SC5D: variants seen among roughly 807,000 people sequenced by gnomAD.
SC5D encodes the protein sterol-C5-desaturase.
SC5D carries 21 observed loss-of-function variants against 23.9 expected under a neutral mutation model. That is an observed-to-expected ratio of 0.88 (90% confidence interval 0.62 to 1.26). The LOEUF (loss-of-function observed/expected upper bound fraction) is 1.26. Among genes scored for constraint, SC5D ranks in the 50% most tolerant of loss-of-function variants. SC5D has a pLI of 0.00. For missense variants in SC5D, 309 were observed against 364.8 expected, an observed-to-expected ratio of 0.85 and a Z score of 1.25; for synonymous variants, 113 against 125.9, an observed-to-expected ratio of 0.90 and a Z score of 0.68.
rs1947987772 is a variant in SC5D, at chr11:121,308,777, T to C, written c.*1265T>C. 1 of 152,538 alleles carries C rather than the reference T, an allele frequency of 6.6e-6. No individual in the cohort carries two copies. The highest frequency in any genetic ancestry group is 2.1e-4 in the South Asian group (1 of 4,834). 9.4% of individuals were successfully genotyped at this position (152,538 alleles called of 1,614,324 possible). On this transcript the variant is annotated 3_prime_UTR_variant, in exon 5 of 5. Transcript: ENST00000264027. ...AGTGTCACAGGGGGAAAGAAGTGGG[T>C]ACCACATTCTGTTTATATTTCACAT...
chr11:121,303,316 T>C (rs573220493), intron 1 of SC5D, 50 bp from the exon 2 acceptor site: 87 of 1,552,344 alleles, frequency 5.6e-5, no homozygotes, highest in Non-Finnish European at 7.6e-5. Context: ...AATTTTTGCC[T>C]GGAAAAATAG....
In SC5D at chr11:121,311,966, G is replaced by A. The variant is rs1026656844; in HGVS notation, c.*4454G>A. Among the ~76,000 whole-genome samples the A allele has an allele frequency of 2.0e-5, 3 of 152,110 alleles. No individual in the cohort carries two copies. The highest frequency in any genetic ancestry group is 4.4e-5 in the Non-Finnish European group (3 of 68,000). ...CATTGAGGTGAAGTAGAGATAGAGGGTACACAGAAAAATCGTATAAGTAAA... is the reference window on the plus strand; with the variant it reads ...CATTGAGGTGAAGTAGAGATAGAGGATACACAGAAAAATCGTATAAGTAAA... On this transcript the variant is annotated 3_prime_UTR_variant, in exon 5 of 5. Coordinates refer to ENST00000264027, the MANE Select transcript of SC5D (RefSeq NM_006918.5).
In SC5D at chr11:121,310,455, CTTT is replaced by C. The variant is rs5795265; in HGVS notation, c.*2960_*2962del. ...TGTTCAGCCCTTCTGTCTCCTGTCC[CTTT>C]TTTTTTTTTTTTTTTTGAGATGGAG... On this transcript the variant is annotated 3_prime_UTR_variant, in exon 5 of 5. Coordinates refer to ENST00000264027, the MANE Select transcript of SC5D (RefSeq NM_006918.5). 5.4e-5 allele frequency among the ~76,000 whole-genome samples: 6 copies of C among 111,178 alleles called. No homozygotes were observed. The highest frequency in any genetic ancestry group is 9.2e-5 in the Admixed American group (1 of 10,842). The allele number at this position is 111,178 out of a possible 152,430, so 72.9% of individuals were successfully genotyped here. A position where few individuals can be genotyped will look rare whatever the true frequency, so the allele number is the denominator to read the frequency against.
At position 121,295,708 on chromosome 11, in the gene SC5D, T is replaced by G. The variant is rs191076646; in HGVS notation, c.-11+2892T>G. Reference sequence around the variant, plus strand: ...TGATTTTGGAGTCCCAAGATTTATTTTCTGTTCACACCATCATTCCTTACC... The same window carrying G: ...TGATTTTGGAGTCCCAAGATTTATTGTCTGTTCACACCATCATTCCTTACC... On this transcript the variant is annotated intron_variant, in intron 1 of 4. Transcript: ENST00000264027. Among the ~76,000 whole-genome samples the G allele has an allele frequency of 5.9e-5, 9 of 152,292 alleles. No individual in the cohort carries two copies. In the East Asian group the frequency reaches 1.5e-3, roughly 26 times the overall value.
intron 3 of SC5D, 148 bp from the exon 4 acceptor site, chr11:121,306,238 A>C (rs969129192): frequency 1.5e-6 from 1 of 649,366 alleles, no homozygotes; most frequent in Non-Finnish European, 2.8e-6. Flanking sequence ...AAGAGAGATT[A>C]GTTTATAATA....
At chr11:121,304,045 G>T (rs1180823777) in intron 2 of SC5D, 3 of 323,172 alleles carry the variant, frequency 9.3e-6, no homozygotes, top group Non-Finnish European at 1.7e-5. Flanking sequence ...ACAGCAAAAA[G>T]AAAAAATAGA....
rs1565570745 is a variant in SC5D, at chr11:121,307,930, A to T, written c.*418A>T. 1 of 159,660 alleles carries T rather than the reference A, an allele frequency of 6.3e-6. No individual in the cohort carries two copies. The highest frequency in any genetic ancestry group is 1.4e-5 in the Non-Finnish European group (1 of 72,248). 9.9% of individuals were successfully genotyped at this position (159,660 alleles called of 1,614,324 possible). A position where few individuals can be genotyped will look rare whatever the true frequency, so the allele number is the denominator to read the frequency against. ...TAAGCACCATAACCAAGAAATACTAATGTAAAGATTGTTTCTTGTTTCAGG... is the reference window on the plus strand; with the variant it reads ...TAAGCACCATAACCAAGAAATACTATTGTAAAGATTGTTTCTTGTTTCAGG... On this transcript the variant is annotated 3_prime_UTR_variant, in exon 5 of 5. Transcript: ENST00000264027.
intron 1 of SC5D, among the ~76,000 whole-genome samples, chr11:121,301,398 A>G (rs1947925139): frequency 6.6e-6 from 1 of 152,098 alleles, no homozygotes; most frequent in Non-Finnish European, 1.5e-5. Context: ...ATTTGAGCCA[A>G]CAGAGCACAG....
chr11:121,298,780 A>T (rs1186649655), intron 1 of SC5D, among the ~76,000 whole-genome samples: 1 of 152,156 alleles, frequency 6.6e-6, no homozygotes, highest in Non-Finnish European at 1.5e-5. Flanking sequence ...TTTTTTAATC[A>T]CCTGGATGCA....
intron 3 of SC5D, chr11:121,306,135 A>G (rs569095448): frequency 3.5e-5 from 16 of 456,876 alleles, no homozygotes; most frequent in Middle Eastern, 6.5e-4. Context: ...TGTCTCACAA[A>G]TATCTTTATA....
chr11:121,312,431 T>C lies in SC5D; in HGVS notation c.*4919T>C, dbSNP rs991121333. On this transcript the variant is annotated 3_prime_UTR_variant, in exon 5 of 5. Transcript: ENST00000264027. ...TTGTAAATTCCAATTATCCTGAACA[T>C]TTAATACCATTTACATATTTTATTA... is the stretch of plus-strand genomic sequence containing the variant. Among the ~76,000 whole-genome samples the C allele has an allele frequency of 6.6e-6, 1 of 152,200 alleles. No individual in the cohort carries two copies. Among genetic ancestry groups the C allele is most frequent in the African/African-American group, 2.4e-5 (1 of 41,468 alleles).
chr11:121,299,378 C>CGAT (rs1947911095), intron 1 of SC5D, among the ~76,000 whole-genome samples: 5 of 152,120 alleles, frequency 3.3e-5, no homozygotes, highest in Non-Finnish European at 4.4e-5. Context: ...TATACATGCA[C>CGAT]AAGTATTTAA....
intron 1 of SC5D, among the ~76,000 whole-genome samples, chr11:121,298,257 C>T (rs911203638): frequency 3.3e-5 from 5 of 152,286 alleles, no homozygotes; most frequent in Non-Finnish European, 5.9e-5. Flanking sequence ...CCTCCCAAAG[C>T]GCTGGTATTA....
At position 121,306,484 on chromosome 11, in the gene SC5D, A is replaced by G. The variant is rs775350797; in HGVS notation, c.442A>G (p.Lys148Glu). 92 of 1,388,994 alleles carry G rather than the reference A, an allele frequency of 6.6e-5. No individual in the cohort carries two copies. Among genetic ancestry groups the G allele is most frequent in the Non-Finnish European group, 9.3e-5 (91 of 974,772 alleles). The allele number at this position is 1,388,994 out of a possible 1,614,324, so 86.0% of individuals were successfully genotyped here. Residue 148 changes from lysine to glutamate, a missense_variant and splice_region_variant, in exon 4 of 5, where the codon AAG (lysine) becomes GAG (glutamate). Coordinates refer to ENST00000264027, the MANE Select transcript of SC5D (RefSeq NM_006918.5). ...AGGCCTTCATCATAGACTGGTATAT[A>G]AGGTAAAGTCATTTGTGGTGAAAAG... ...HRGLHHRLVY[K>E]RLHKPHHIWK...
chr11:121,299,225 G>C (rs888716106), intron 1 of SC5D, among the ~76,000 whole-genome samples: 4 of 152,162 alleles, frequency 2.6e-5, no homozygotes, highest in African/African-American at 7.2e-5. Flanking sequence ...TTTTGAAAAG[G>C]TTATCTTGGA....
chr11:121,304,286 G>T, intron 2 of SC5D, 75 bp from the exon 3 acceptor site: 1 of 1,401,558 alleles, frequency 7.1e-7, no homozygotes, highest in Admixed American at 1.7e-5. Context: ...TAAAAATCCA[G>T]TCCAGAACAG....
Position 121,308,863 on chromosome 11 carries a change from C to T in SC5D, c.*1351C>T, listed in dbSNP as rs1448130314. Among the ~76,000 whole-genome samples, 1 of 152,176 alleles carries T rather than the reference C, an allele frequency of 6.6e-6. No homozygotes were observed. Among genetic ancestry groups the T allele is most frequent in the Non-Finnish European group, 1.5e-5 (1 of 68,026 alleles). ...GTCTTAAAATCTAATGTCTGGGATC[C>T]AGAAGAAAATGTCTTTAATCTGTGA... On this transcript the variant is annotated 3_prime_UTR_variant, in exon 5 of 5. Transcript: ENST00000264027.
rs542515870 is a variant in SC5D at position 121,306,678 on chromosome 11, G to C, written c.444+192G>C. 5 of 679,970 alleles carry C rather than the reference G, an allele frequency of 7.4e-6. No individual in the cohort carries two copies. The African/African-American group carries it at 8.9e-5, about 12-fold the overall frequency. The allele number at this position is 679,970 out of a possible 1,614,324, so 42.1% of individuals were successfully genotyped here. On this transcript the variant is annotated intron_variant, in intron 4 of 4. Transcript: ENST00000264027. ...GGTCTAAGGGGCTGTCTTAAAATTC[G>C]TCTGTTCCGGTAACAGGTACACATG... is the stretch of plus-strand genomic sequence containing the variant.
In SC5D at chr11:121,310,527, G is replaced by A. The variant is rs1253864729; in HGVS notation, c.*3015G>A. 6.8e-6 allele frequency among the ~76,000 whole-genome samples: 1 copy of A among 146,100 alleles called. No individual in the cohort carries two copies. The highest frequency in any genetic ancestry group is 1.5e-5 in the Non-Finnish European group (1 of 67,182). ...GGCTGGAGTGCAGTGGCGTGATCTT[G>A]GTTCACTGCAAGCTCCACCTCCCGG... On this transcript the variant is annotated 3_prime_UTR_variant, in exon 5 of 5. Coordinates refer to ENST00000264027, the MANE Select transcript of SC5D (RefSeq NM_006918.5).
Sources: gnomAD v4.1 joint callset for allele counts (sites outside exome capture counted in the v4.1 genomes callset) on GRCh38, gnomAD v4.1.1 for gene constraint, MANE v1.5 for transcripts, NCBI Gene and HGNC (gene_info 2026-07-23, HGNC 2026-07-21) for gene names.